The following DAZAP1 variants were observed in gnomAD, a reference collection of about 807,000 sequenced individuals.
DAZAP1 encodes DAZ associated protein 1.
Under a neutral mutation model 60.1 loss-of-function variants are expected in DAZAP1, and 6 were observed. That is an observed-to-expected ratio of 0.10 (90% CI 0.05 to 0.20). DAZAP1 has a LOEUF of 0.20. Ranked by LOEUF, DAZAP1 falls within the 10% of genes least tolerant of loss-of-function variation. The pLI is 1.00. For missense variants in DAZAP1, 366 were observed against 560.4 expected (o/e 0.65, Z 3.50); for synonymous variants, 235 against 215.9 (o/e 1.09, Z -0.78).
In DAZAP1 at chr19:1,433,223, C is replaced by A; in HGVS notation, c.1048+533C>A. ...GCAGGCAGCGCATGTGCTTCCGGGGCAGGAGCTTGTGGGGGGGCGGGGTCA... is the reference window on the plus strand; with the variant it reads ...GCAGGCAGCGCATGTGCTTCCGGGGAAGGAGCTTGTGGGGGGGCGGGGTCA... On this transcript the variant is annotated intron_variant, in intron 11 of 11. Coordinates refer to ENST00000233078, the MANE Select transcript of DAZAP1 (RefSeq NM_018959.4). This position sits in a 1 kb window ranked among gnomAD's most constrained non-coding sequence, Gnocchi z 6.1. The A allele has an allele frequency of 5.7e-6, 1 of 176,068 alleles. No individual in the cohort carries two copies. The highest frequency in any genetic ancestry group is 1.1e-4 in the South Asian group (1 of 9,522). The allele number at this position is 176,068 out of a possible 1,614,324, so 10.9% of individuals were successfully genotyped here.
Position 1,407,805 on chromosome 19 carries a change from G to A in DAZAP1, c.29+3G>A. 1 of 1,075,024 alleles carries A rather than the reference G, an allele frequency of 9.3e-7. No individual in the cohort carries two copies. Among genetic ancestry groups the A allele is most frequent in the African/African-American group, 1.7e-5 (1 of 58,860 alleles). 66.6% of individuals were successfully genotyped at this position (1,075,024 alleles called of 1,614,324 possible). A position where few individuals can be genotyped will look rare whatever the true frequency, so the allele number is the denominator to read the frequency against. On this transcript the variant is annotated splice_donor_region_variant and intron_variant, in intron 1 of 11. Transcript: ENST00000233078. ...AACTCGGGCGCCGACGAGATCGGGT[G>A]AGGACGAGCGGCGCGGGCCTGCGTC...
At chr19:1,411,168 C>CCGTT (rs2082819243) in intron 1 of DAZAP1, among the ~76,000 whole-genome samples, 1 of 152,174 alleles carries the variant, frequency 6.6e-6, no homozygotes, top group South Asian at 2.1e-4. Flanking sequence ...TGATAGGGAA[C>CCGTT]CTCATGGGGC....
intron 4 of DAZAP1, among the ~76,000 whole-genome samples, chr19:1,419,568 G>A (rs1160788655): frequency 1.3e-5 from 2 of 152,220 alleles, no homozygotes; most frequent in Non-Finnish European, 2.9e-5. Flanking sequence ...TGTCCAGGCC[G>A]TGTTCCCAGC....
chr19:1,428,736 G>C lies in DAZAP1; in HGVS notation c.547-106G>C. Reference sequence around the variant, plus strand: ...TTTATAGTTAAGTATTTAGTCTTAAGTTGTAAGATGCTAAGTGTAGTCATA... The same window carrying C: ...TTTATAGTTAAGTATTTAGTCTTAACTTGTAAGATGCTAAGTGTAGTCATA... On this transcript the variant is annotated intron_variant, in intron 7 of 11. Transcript: ENST00000233078. The surrounding 1 kb of genome is among the most constrained non-coding windows in gnomAD (Gnocchi z 4.0). The C allele has an allele frequency of 1.5e-6, 2 of 1,345,918 alleles. No homozygotes were observed. The highest frequency in any genetic ancestry group is 2.2e-5 in the Admixed American group (1 of 45,272). The allele number at this position is 1,345,918 out of a possible 1,614,324, so 83.4% of individuals were successfully genotyped here.
At position 1,432,752 on chromosome 19, in the gene DAZAP1, T is replaced by A; in HGVS notation, c.1048+62T>A. The A allele has an allele frequency of 6.7e-7, 1 of 1,500,880 alleles. No homozygotes were observed. The highest frequency in any genetic ancestry group is 1.3e-5 in the South Asian group (1 of 77,004). 93.0% of individuals were successfully genotyped at this position (1,500,880 alleles called of 1,614,324 possible). On this transcript the variant is annotated intron_variant, in intron 11 of 11. Coordinates refer to ENST00000233078, the MANE Select transcript of DAZAP1 (RefSeq NM_018959.4). The surrounding 1 kb of genome is among the most constrained non-coding windows in gnomAD (Gnocchi z 4.9). ...CCCAGGACCCTGGGCACGGCCTGCC[T>A]TCTTCTGCTTCCTCCCCTGCTGGAC...
chr19:1,429,797 T>C (rs1167200815), intron 8 of DAZAP1, among the ~76,000 whole-genome samples, 170 bp from the exon 9 acceptor site: 2 of 151,614 alleles, frequency 1.3e-5, no homozygotes, highest in Non-Finnish European at 2.9e-5. Flanking sequence ...GGGTGGGGAG[T>C]GCTTCTCTGC....
chr19:1,433,918 G>A lies in DAZAP1; in HGVS notation c.1049-819G>A, dbSNP rs1569107991. On this transcript the variant is annotated intron_variant, in intron 11 of 11. Coordinates refer to ENST00000233078, the MANE Select transcript of DAZAP1 (RefSeq NM_018959.4). The surrounding 1 kb of genome is among the most constrained non-coding windows in gnomAD (Gnocchi z 6.1). ...TCTGCCGTCCCGGGCGGGGGTGGACGCTGGCGGTGCCCTCTGGGAAGGGGC... is the reference window on the plus strand; with the variant it reads ...TCTGCCGTCCCGGGCGGGGGTGGACACTGGCGGTGCCCTCTGGGAAGGGGC... The A allele has an allele frequency of 1.2e-5, 14 of 1,173,490 alleles. No homozygotes were observed. The highest frequency in any genetic ancestry group is 5.0e-5 in the South Asian group (4 of 80,190). 72.7% of individuals were successfully genotyped at this position (1,173,490 alleles called of 1,614,324 possible). A position where few individuals can be genotyped will look rare whatever the true frequency, so the allele number is the denominator to read the frequency against.
intron 4 of DAZAP1, among the ~76,000 whole-genome samples, chr19:1,419,529 A>G (rs938826887): frequency 8.5e-5 from 13 of 152,214 alleles, no homozygotes; most frequent in East Asian, 5.8e-4. Flanking sequence ...CACGCTGGAA[A>G]GCGGCTGCAG....
At position 1,421,158 on chromosome 19, in the gene DAZAP1, C is replaced by G; in HGVS notation, c.314C>G (p.Pro105Arg). 6.2e-7 allele frequency: 1 copy of G among 1,614,058 alleles called. No individual in the cohort carries two copies. The highest frequency in any genetic ancestry group is 8.5e-7 in the Non-Finnish European group (1 of 1,179,956). The change falls in exon 5 of 12, where the codon CCC becomes CGC. Residue 105 changes from proline to arginine, a missense_variant. Physicochemically the swap from Pro to Arg is moderately radical, Grantham distance 103. This residue lies in a region of DAZAP1 where 98 missense variants were observed against 155.3 expected (regional missense o/e 0.63). Transcript: ENST00000233078. The part of the protein sequence containing the change: ...TRPKEGWQKG[P>R]RSDNSKSNKI... ...TCCCTTCTTCAACAGCAGAAAGGAC[C>G]CAGGAGCGATAACAGTAAATCAAAT...
Position 1,432,434 on chromosome 19 carries a change from TG to T in DAZAP1, c.872-77del. ...GCAGTCCCGTCTGGGCAGCTCCTGC[TG>T]GGCTGGGTGTGGGTCTCCTGCTGGT... On this transcript the variant is annotated intron_variant, in intron 10 of 11. Coordinates refer to ENST00000233078, the MANE Select transcript of DAZAP1 (RefSeq NM_018959.4). The surrounding 1 kb of genome is among the most constrained non-coding windows in gnomAD (Gnocchi z 4.9). The T allele has an allele frequency of 6.7e-7, 1 of 1,490,652 alleles. No homozygotes were observed. Among genetic ancestry groups the T allele is most frequent in the Non-Finnish European group, 9.3e-7 (1 of 1,074,210 alleles). The allele number at this position is 1,490,652 out of a possible 1,614,324, so 92.3% of individuals were successfully genotyped here.
At position 1,418,875 on chromosome 19, in the gene DAZAP1, AC is replaced by A; in HGVS notation, c.303+147del. 2.6e-6 allele frequency: 2 copies of A among 772,232 alleles called. No homozygotes were observed. Among genetic ancestry groups the A allele is most frequent in the Non-Finnish European group, 4.1e-6 (2 of 482,220 alleles). The allele number at this position is 772,232 out of a possible 1,614,324, so 47.8% of individuals were successfully genotyped here. ...GTTGGCACTCGAGCAGCTGAGGATC[AC>A]CCAGATTTATCAGTGCCGTGAGTGT... is the stretch of plus-strand genomic sequence containing the variant. On this transcript the variant is annotated intron_variant, in intron 4 of 11. Transcript: ENST00000233078. This position sits in a 1 kb window ranked among gnomAD's most constrained non-coding sequence, Gnocchi z 5.7.
At chr19:1,410,632 C>T (rs1266271049) in intron 1 of DAZAP1, among the ~76,000 whole-genome samples, 3 of 152,208 alleles carry the variant, frequency 2.0e-5, no homozygotes, top group African/African-American at 4.8e-5. Context: ...GTTGAGTAGC[C>T]GCTGGGTGCT....
intron 1 of DAZAP1, among the ~76,000 whole-genome samples, chr19:1,408,361 C>T (rs1157474264): frequency 6.6e-6 from 1 of 151,788 alleles, no homozygotes; most frequent in African/African-American, 2.4e-5. Flanking sequence ...TCGCCGCCGC[C>T]TCCCGGCTTC....
At chr19:1,430,567 G>T (rs978777369) in intron 10 of DAZAP1, among the ~76,000 whole-genome samples, 2 of 152,224 alleles carry the variant, frequency 1.3e-5, no homozygotes, top group Non-Finnish European at 2.9e-5. Flanking sequence ...CTAAAGGGCA[G>T]CCCGGGCTCC....
rs2083570787 is a variant in DAZAP1, at chr19:1,435,290, A to T, written c.*378A>T. ...AAAATATACATTTACAAATTGTGAGATTTTTAAGAGAAATTTTCTACGATG... is the reference window on the plus strand; with the variant it reads ...AAAATATACATTTACAAATTGTGAGTTTTTTAAGAGAAATTTTCTACGATG... On this transcript the variant is annotated 3_prime_UTR_variant, in exon 12 of 12. Coordinates refer to ENST00000233078, the MANE Select transcript of DAZAP1 (RefSeq NM_018959.4). The T allele has an allele frequency of 6.5e-6, 1 of 153,400 alleles. No individual in the cohort carries two copies. The highest frequency in any genetic ancestry group is 2.0e-4 in the South Asian group (1 of 4,904). The allele number at this position is 153,400 out of a possible 1,614,324, so 9.5% of individuals were successfully genotyped here.
chr19:1,429,624 G>C (rs2083392146), intron 8 of DAZAP1, among the ~76,000 whole-genome samples: 1 of 152,208 alleles, frequency 6.6e-6, no homozygotes, highest in South Asian at 2.1e-4. Context: ...GAAACTCGGA[G>C]GTGCTGTGGG....
intron 7 of DAZAP1, chr19:1,427,680 G>A (rs765975540): frequency 6.6e-6 from 1 of 152,272 alleles, no homozygotes; most frequent in Non-Finnish European, 1.5e-5. Context: ...GCTCATTTGA[G>A]TTCTTTGAAA....
chr19:1,430,351 C>T lies in DAZAP1; in HGVS notation c.860C>T (p.Pro287Leu), dbSNP rs1191774075. ...GGCTTCCCTCAGGGCTACGGTGCCC[C>T]GCCACAGTTCAGTAAGTCTAGGGGG... ...PQGFPQGYGA[P>L]PQFSFGYGPP... The change falls in exon 10 of 12, where the codon CCG becomes CTG. Residue 287 changes from proline (P) to leucine (L), a missense_variant. Physicochemically the swap from Pro to Leu is moderately conservative, Grantham distance 98. Transcript: ENST00000233078. The T allele has an allele frequency of 2.0e-6, 3 of 1,521,906 alleles. No individual in the cohort carries two copies. Among genetic ancestry groups the T allele is most frequent in the Non-Finnish European group, 2.6e-6 (3 of 1,141,302 alleles). The allele number at this position is 1,521,906 out of a possible 1,614,324, so 94.3% of individuals were successfully genotyped here.
At chr19:1,427,985 GAT>G (rs969706031) in intron 7 of DAZAP1, 2 of 152,184 alleles carry the variant, frequency 1.3e-5, no homozygotes, top group African/African-American at 4.8e-5. Flanking sequence ...GAATTGGGGG[GAT>G]CTTTCTGTTG....
Sources: gnomAD v4.1 joint callset for allele counts (sites outside exome capture counted in the v4.1 genomes callset) on GRCh38, gnomAD v4.1.1 for gene constraint, gnomAD v4.1.1 regional missense constraint, Gnocchi (gnomAD v3.1) non-coding constraint, MANE v1.5 for transcripts, NCBI Gene and HGNC (gene_info 2026-07-23, HGNC 2026-07-21) for gene names.